Variants in XCR1 observed in about 807,000 individuals in gnomAD.
XCR1 encodes chemokine XC receptor 1.
For missense variants in XCR1, 356 were observed against 424.2 expected (o/e 0.84, Z 1.41); for synonymous variants, 187 against 188.5 (o/e 0.99, Z 0.06).
At chr3:46,065,057 C>CTCCA (rs1698040228) in intron 4 of XCR1, among the ~76,000 whole-genome samples, 1 of 151,790 alleles carries the variant, frequency 6.6e-6, no homozygotes, top group African/African-American at 2.4e-5. Context: ...CGCCATTGCA[C>CTCCA]TCCAGCCTGG....
At chr3:46,047,145 G>A (rs1159255375) in intron 5 of XCR1, among the ~76,000 whole-genome samples, 1 of 152,176 alleles carries the variant, frequency 6.6e-6, no homozygotes, top group East Asian at 1.9e-4. Flanking sequence ...CACATACTGA[G>A]CTGTTTGAAT....
rs148437478 is a variant in XCR1 at position 46,023,542 on chromosome 3, A to G, written c.-31-1564T>C. 3,197 of 1,543,648 alleles carry G rather than the reference A, an allele frequency of 2.1e-3. 6 individuals carry two copies. Among genetic ancestry groups the G allele is most frequent in the Non-Finnish European group, 2.6e-3 (2,922 of 1,120,166 alleles). The stretch of plus-strand genomic sequence containing the variant: ...ATGGAAAAGGGCCCAGCGTGAGGAA[A>G]GATTGAAAGCCTAGCAGAACACAGA... On this transcript the variant is annotated intron_variant, in intron 1 of 1. Transcript: ENST00000309285.
intron 1 of XCR1, chr3:46,023,688 G>A: frequency 6.7e-7 from 1 of 1,487,824 alleles, no homozygotes; most frequent in Non-Finnish European, 9.3e-7. Flanking sequence ...TTGAGATTCA[G>A]GGGATCTTTG....
chr3:46,028,850 C>T (rs1708350814), upstream of XCR1, among the ~76,000 whole-genome samples: 1 of 152,154 alleles, frequency 6.6e-6, no homozygotes, highest in South Asian at 2.1e-4. Flanking sequence ...CCTTGCCCTC[C>T]CAAAGCTCTG....
chr3:46,062,767 AGC>A (rs1317279241), intron 4 of XCR1, among the ~76,000 whole-genome samples: 2 of 152,214 alleles, frequency 1.3e-5, no homozygotes, highest in Non-Finnish European at 2.9e-5. Flanking sequence ...TGTGGAAAGG[AGC>A]AGAAAGGAGG....
rs61388113 is a variant in XCR1, at chr3:46,059,780, G to T, written c.-182-5710C>A. On this transcript the variant is annotated intron_variant, in intron 4 of 5. Coordinates refer to the XCR1 transcript ENST00000683768. ...TTTATTGAGGTGTGTGTAAATAAAC[G>T]TTCCACCAAAGAAACAAAACCAGAA... 2.3e-4 allele frequency among the ~76,000 whole-genome samples: 35 copies of T among 152,236 alleles called. No homozygotes were observed. In the South Asian group the frequency reaches 3.7e-3, roughly 16 times the overall value.
chr3:46,043,699 A>G (rs1021370402), intron 5 of XCR1, among the ~76,000 whole-genome samples: 1 of 148,246 alleles, frequency 6.7e-6, no homozygotes, highest in African/African-American at 2.5e-5. Flanking sequence ...CCTGGGCAAC[A>G]TAGTGAGACC....
chr3:46,056,144 T>C (rs1697845904), intron 4 of XCR1, among the ~76,000 whole-genome samples: 1 of 152,166 alleles, frequency 6.6e-6, no homozygotes, highest in Non-Finnish European at 1.5e-5. Flanking sequence ...CTCTCAGAAA[T>C]GTGTGGTGTA....
chr3:46,023,218 C>T (rs190764829), intron 1 of XCR1: 8 of 536,916 alleles, frequency 1.5e-5, no homozygotes, highest in Admixed American at 7.2e-5. Flanking sequence ...AGAGAGGACG[C>T]GGCTGCGTCG....
chr3:46,054,119 C>T (rs4683171), intron 4 of XCR1, among the ~76,000 whole-genome samples: 123,307 of 152,108 alleles, frequency 0.81, 50,438 homozygotes, highest in East Asian at 0.99. Context: ...GACAAAAGAG[C>T]ATATTTGGAA....
chr3:46,082,476 C>CTTTTTTTTTTTTTTTTTTTTTT (rs61282576), intron 1 of XCR1, among the ~76,000 whole-genome samples: 1 of 100,030 alleles, frequency 1.0e-5, no homozygotes. Context: ...AATCAGGCTC[C>CTTTTTTTTTTTTTTTTTTTTTT]TTTTTTTTTT....
intron 1 of XCR1, among the ~76,000 whole-genome samples, chr3:46,024,663 G>GT (rs1708252005): frequency 6.6e-6 from 1 of 152,028 alleles, no homozygotes; most frequent in African/African-American, 2.4e-5. Flanking sequence ...AATAAGGTGT[G>GT]TAAGATACAC....
At chr3:46,076,567 C>G (rs1489370288) in intron 2 of XCR1, among the ~76,000 whole-genome samples, 1 of 131,046 alleles carries the variant, frequency 7.6e-6, no homozygotes, top group Non-Finnish European at 1.6e-5. Context: ...CAAATGGTAG[C>G]CATTATTTTG....
intron 4 of XCR1, among the ~76,000 whole-genome samples, chr3:46,062,195 G>A (rs183978965): frequency 6.6e-6 from 1 of 152,192 alleles, no homozygotes; most frequent in African/African-American, 2.4e-5. Flanking sequence ...GGAGATGCAG[G>A]CCTCCTGGAA....
chr3:46,051,982 C>A (rs146293116), intron 5 of XCR1, among the ~76,000 whole-genome samples: 68 of 151,848 alleles, frequency 4.5e-4, no homozygotes, highest in African/African-American at 1.6e-3. Flanking sequence ...GACAAGATTG[C>A]GCCACTGCAC....
intron 4 of XCR1, among the ~76,000 whole-genome samples, chr3:46,060,464 A>C (rs575524079): frequency 1.3e-5 from 2 of 152,324 alleles, no homozygotes; most frequent in South Asian, 4.1e-4. Context: ...AATCAGGATC[A>C]ATCATCCCAA....
Position 46,021,560 on chromosome 3 carries a change from A to G in XCR1, c.388T>C (p.Ser130Pro). The G allele has an allele frequency of 6.2e-7, 1 of 1,610,924 alleles. No homozygotes were observed. ...AGGGTGGAGAGGGGGCTCACTACCG[A>G]CAGGTAGCGGTGGATGGTCATGATG... Reference protein sequence around the residue: ...LTIMTIHRYLSVVSPLSTLRV... With the variant: ...LTIMTIHRYLPVVSPLSTLRV... The change falls in exon 2 of 2, where the codon TCG becomes CCG. Residue 130 changes from serine (S) to proline (P), a missense_variant. Physicochemically the swap from Ser to Pro is moderately conservative, Grantham distance 74. Coordinates refer to ENST00000309285, the MANE Select transcript of XCR1 (RefSeq NM_001024644.2). This position sits in a 1 kb window ranked among gnomAD's most constrained non-coding sequence, Gnocchi z 4.7.
Position 46,021,304 on chromosome 3 carries a change from G to C in XCR1, c.644C>G (p.Ser215Ter), listed in dbSNP as rs746465960. 1.2e-5 allele frequency: 20 copies of C among 1,614,134 alleles called. No homozygotes were observed. The highest frequency in any genetic ancestry group is 1.6e-5 in the Non-Finnish European group (19 of 1,180,028). ...CGTGCGGTGGCGCCGCTTGGAGCGT[G>C]AGCGGAACAGGGTCCTGAGGATCTC... ...YVEILRTLFR[S>*]RSKRRHRTVK... Residue 215 changes from serine to a stop codon, truncating the protein, a stop_gained, in exon 2 of 2, where the codon TCA becomes TGA. Transcript: ENST00000309285. LOFTEE classifies it low-confidence loss of function (END_TRUNC). The surrounding 1 kb of genome is among the most constrained non-coding windows in gnomAD (Gnocchi z 4.7).
At chr3:46,041,601 T>C (rs1238964471) in intron 5 of XCR1, among the ~76,000 whole-genome samples, 3 of 152,148 alleles carry the variant, frequency 2.0e-5, no homozygotes, top group African/African-American at 4.8e-5. Flanking sequence ...GAGGAATTTA[T>C]AAATAGAAAG....
Sources: allele counts gnomAD v4.1 joint callset (sites outside exome capture counted in the v4.1 genomes callset), GRCh38; gene constraint gnomAD v4.1.1; non-coding constraint Gnocchi (gnomAD v3.1); transcripts MANE v1.5; gene names NCBI Gene and HGNC (gene_info 2026-07-23, HGNC 2026-07-21).